PDE4D: variants seen among roughly 807,000 people sequenced by gnomAD.
PDE4D encodes the protein phosphodiesterase 4D.
A neutral mutation model predicts 87.4 loss-of-function variants in PDE4D; 24 were observed. The ratio of observed to expected loss-of-function variants is 0.27; its 90% CI spans 0.20 to 0.39. The LOEUF is 0.39. Among genes scored for constraint, PDE4D ranks in the 10% least tolerant of loss-of-function variants. PDE4D has a pLI of 1.00. For synonymous variants in PDE4D, 384 were observed against 383.2 expected (o/e 1.00, Z -0.02); for missense variants, 714 against 1,041.0 (o/e 0.69, Z 4.32).
chr5:59,121,502 T>A (rs914828837), intron 5 of PDE4D, among the ~76,000 whole-genome samples: 1 of 151,812 alleles, frequency 6.6e-6, no homozygotes, highest in African/African-American at 2.4e-5. Context: ...TGAGATATCA[T>A]CTTACCCCAG....
chr5:60,249,741 A>G (rs1748212308), intron 1 of PDE4D, among the ~76,000 whole-genome samples: 1 of 152,048 alleles, frequency 6.6e-6, no homozygotes, highest in Admixed American at 6.6e-5. Flanking sequence ...TTCATTTGCA[A>G]TAGAAAATGG....
In PDE4D at chr5:59,012,312, T is replaced by C. The variant is rs1752985224; in HGVS notation, c.922-18847A>G. On this transcript the variant is annotated intron_variant, in intron 6 of 14. Transcript: ENST00000340635. ...AATTCCCACATAACAATATTAACCTTATATGTAAATGGGCTAAATGTTCCA... is the reference window on the plus strand; with the variant it reads ...AATTCCCACATAACAATATTAACCTCATATGTAAATGGGCTAAATGTTCCA... Among the ~76,000 whole-genome samples the C allele has an allele frequency of 2.0e-5, 3 of 152,176 alleles. No homozygotes were observed. In the South Asian group the frequency reaches 6.2e-4, roughly 32 times the overall value.
At chr5:59,866,737 T>A (rs1176784005) in intron 1 of PDE4D, among the ~76,000 whole-genome samples, 1 of 152,206 alleles carries the variant, frequency 6.6e-6, no homozygotes, top group Non-Finnish European at 1.5e-5. Context: ...AAACAGCCAT[T>A]CCTTCCTGTA....
intron 1 of PDE4D, among the ~76,000 whole-genome samples, chr5:59,304,972 T>C (rs1771033713): frequency 6.6e-6 from 1 of 152,158 alleles, no homozygotes; most frequent in African/African-American, 2.4e-5. Flanking sequence ...AAAGGATTGG[T>C]ACCAATTCTT....
At chr5:60,173,083 T>C (rs1271641575) in intron 2 of PDE4D, among the ~76,000 whole-genome samples, 2 of 152,110 alleles carry the variant, frequency 1.3e-5, no homozygotes, top group East Asian at 1.9e-4. Context: ...TAATTGACTA[T>C]AAATATGTTA....
chr5:60,274,537 T>C (rs1433133263), intron 1 of PDE4D, among the ~76,000 whole-genome samples: 1 of 152,190 alleles, frequency 6.6e-6, no homozygotes, highest in Non-Finnish European at 1.5e-5. Flanking sequence ...ATTTTTGTAT[T>C]TTCAGTAGAG....
At chr5:59,404,205 C>T (rs1262437908) in intron 1 of PDE4D, among the ~76,000 whole-genome samples, 1 of 152,074 alleles carries the variant, frequency 6.6e-6, no homozygotes. Context: ...ATATTAATCC[C>T]TTGTCAGATG....
intron 1 of PDE4D, among the ~76,000 whole-genome samples, chr5:60,254,223 C>T (rs74734902): frequency 1.9e-4 from 29 of 151,962 alleles, no homozygotes; most frequent in African/African-American, 6.7e-4. Flanking sequence ...GTCCAGGGTT[C>T]AATCAGAGAT....
chr5:60,037,971 G>A (rs1322037494), intron 2 of PDE4D, among the ~76,000 whole-genome samples: 1 of 152,064 alleles, frequency 6.6e-6, no homozygotes, highest in Non-Finnish European at 1.5e-5. Context: ...TCATTTTGCA[G>A]ATTTTGGAAA....
intron 1 of PDE4D, among the ~76,000 whole-genome samples, chr5:59,889,959 T>C (rs1456632329): frequency 6.6e-6 from 1 of 152,184 alleles, no homozygotes; most frequent in African/African-American, 2.4e-5. Flanking sequence ...CTTAAAAGAA[T>C]TGACCACAAA....
chr5:60,072,690 G>A (rs1163398287), intron 2 of PDE4D, among the ~76,000 whole-genome samples: 1 of 152,064 alleles, frequency 6.6e-6, no homozygotes, highest in Non-Finnish European at 1.5e-5. Flanking sequence ...TATGTATAGT[G>A]TACTGAATGG....
chr5:59,944,412 G>C (rs1434651192), intron 3 of PDE4D, among the ~76,000 whole-genome samples: 1 of 151,596 alleles, frequency 6.6e-6, no homozygotes, highest in Non-Finnish European at 1.5e-5. Flanking sequence ...TCGCTCTGTC[G>C]CCCAGTCTGT....
At chr5:60,056,829 CACAT>C (rs1770828163) in intron 2 of PDE4D, among the ~76,000 whole-genome samples, 1 of 151,982 alleles carries the variant, frequency 6.6e-6, no homozygotes, top group African/African-American at 2.4e-5. Flanking sequence ...AGTATGCAAA[CACAT>C]ACACACACAA....
intron 1 of PDE4D, among the ~76,000 whole-genome samples, chr5:60,377,098 A>G (rs1374380534): frequency 6.6e-6 from 1 of 152,250 alleles, no homozygotes; most frequent in East Asian, 1.9e-4. Flanking sequence ...AAACACAGGC[A>G]ACCAAATATT....
At chr5:58,984,072 G>T (rs1174835637) in intron 11 of PDE4D, among the ~76,000 whole-genome samples, 1 of 39,974 alleles carries the variant, frequency 2.5e-5, no homozygotes, top group Non-Finnish European at 5.0e-5. Flanking sequence ...ACTAGGCTTA[G>T]CCTTGAGTTA....
chr5:59,514,023 T>C (rs181440263), intron 1 of PDE4D, among the ~76,000 whole-genome samples: 3 of 152,156 alleles, frequency 2.0e-5, no homozygotes, highest in Non-Finnish European at 4.4e-5. Flanking sequence ...GTGAAAGGTA[T>C]ACACTTTAAA....
intron 6 of PDE4D, among the ~76,000 whole-genome samples, chr5:58,994,000 G>A (rs1748565971): frequency 6.6e-6 from 1 of 151,984 alleles, no homozygotes; most frequent in Non-Finnish European, 1.5e-5. Context: ...ACTGATCAAG[G>A]GCTCAAAATT....
At chr5:59,713,717 G>C (rs772153738) in intron 1 of PDE4D, among the ~76,000 whole-genome samples, 1 of 152,174 alleles carries the variant, frequency 6.6e-6, no homozygotes, top group African/African-American at 2.4e-5. Flanking sequence ...TGGAAACCTG[G>C]CCAGCAGTAG....
intron 1 of PDE4D, among the ~76,000 whole-genome samples, chr5:60,257,471 A>G (rs1229983315): frequency 6.6e-6 from 1 of 151,974 alleles, no homozygotes; most frequent in Non-Finnish European, 1.5e-5. Flanking sequence ...AAATAAAACT[A>G]TCTGCATGCT....
Sources: gnomAD v4.1 joint callset for allele counts (sites outside exome capture counted in the v4.1 genomes callset) on GRCh38, gnomAD v4.1.1 for gene constraint, MANE v1.5 for transcripts, NCBI Gene and HGNC (gene_info 2026-07-23, HGNC 2026-07-21) for gene names.